The following NEBL variants were observed in gnomAD, a reference collection of about 807,000 sequenced individuals.
NEBL encodes the protein LIM and SH3 protein 2.
Under a neutral mutation model 140.2 loss-of-function variants are expected in NEBL, and 122 were observed. The ratio of observed to expected loss-of-function variants is 0.87; its 90% CI spans 0.75 to 1.01. The LOEUF is 1.01. Among genes scored for constraint, NEBL ranks in the 50% least tolerant of loss-of-function variants. The pLI, the probability that NEBL is intolerant of heterozygous loss-of-function variation, is 0.00. For synonymous variants in NEBL, 436 were observed against 398.9 expected (o/e 1.09, Z -1.11); for missense variants, 1,365 against 1,231.3 (o/e 1.11, Z -1.62).
At chr10:20,837,704 T>A (rs1427306765) in intron 13 of NEBL, among the ~76,000 whole-genome samples, 1 of 152,190 alleles carries the variant, frequency 6.6e-6, no homozygotes, top group Non-Finnish European at 1.5e-5. Context: ...GAAGTCAATG[T>A]CTGCTTCAAT....
intron 2 of NEBL, chr10:21,029,368 G>A (rs1833683281): frequency 2.5e-6 from 4 of 1,611,628 alleles, no homozygotes; most frequent in Non-Finnish European, 2.5e-6. Flanking sequence ...TATCAGTGCA[G>A]TGCGTTTACC....
chr10:20,900,852 A>AG (rs1361796379), upstream of NEBL, among the ~76,000 whole-genome samples: 1 of 143,270 alleles, frequency 7.0e-6, no homozygotes, highest in Non-Finnish European at 1.5e-5. Flanking sequence ...CCCGAAAAAA[A>AG]AAGAAAAAAG....
chr10:21,180,440 GT>G (rs1841369230), intron 3 of NEBL, among the ~76,000 whole-genome samples: 1 of 152,150 alleles, frequency 6.6e-6, no homozygotes, highest in African/African-American at 2.4e-5. Context: ...ATTTCAACAA[GT>G]GTCATTCTCT....
At chr10:20,816,463 T>C (rs1037362018) in intron 21 of NEBL, among the ~76,000 whole-genome samples, 1 of 152,198 alleles carries the variant, frequency 6.6e-6, no homozygotes, top group Non-Finnish European at 1.5e-5. Flanking sequence ...ACTCCTTGTC[T>C]AAATAACCAT....
intron 18 of NEBL, among the ~76,000 whole-genome samples, chr10:20,824,779 T>G (rs2130862841): frequency 6.6e-6 from 1 of 152,348 alleles, no homozygotes; most frequent in African/African-American, 2.4e-5. Context: ...AGATGAACAC[T>G]TTTGTTTTTC....
In NEBL at chr10:21,274,384, A is replaced by G. The variant is rs150735161; in HGVS notation, n.182+18446T>C. ...CATAGTCGATTAACACATATTTCCT[A>G]TGTTCTATGCATTATACACTGCGTT... On this transcript the variant is annotated intron_variant and non_coding_transcript_variant, in intron 1 of 8. Coordinates refer to the NEBL transcript ENST00000675702. Among the ~76,000 whole-genome samples, 865 of 152,258 alleles carry G rather than the reference A, an allele frequency of 5.7e-3. 23 individuals are homozygous for G. The highest frequency in any genetic ancestry group is 0.051 in the Admixed American group (778 of 15,282).
At chr10:21,233,758 A>T (rs529307432) in intron 3 of NEBL, among the ~76,000 whole-genome samples, 2 of 143,898 alleles carry the variant, frequency 1.4e-5, no homozygotes, top group Non-Finnish European at 3.0e-5. Context: ...TTACATATAG[A>T]TATATATTAC....
Position 20,823,249 on chromosome 10 carries a change from C to T in NEBL, c.1921G>A (p.Glu641Lys). 1 of 1,609,808 alleles carries T rather than the reference C, an allele frequency of 6.2e-7. No individual in the cohort carries two copies. Among genetic ancestry groups the T allele is most frequent in the Non-Finnish European group, 8.5e-7 (1 of 1,178,350 alleles). ...TGGTTTTCTTTAACTCTCTTTAGTT[C>T]TGGAGGATCAGAAATGGCTGTTGCA... is the stretch of plus-strand genomic sequence containing the variant. ...KHATAISDPPELKRVKENQKN... is the reference protein window; with the variant it reads ...KHATAISDPPKLKRVKENQKN... Residue 641 changes from glutamate (E) to lysine (K), a missense_variant, in exon 19 of 28, where the codon GAA (glutamate) becomes AAA (lysine). Physicochemically the swap from Glu to Lys is moderately conservative, Grantham distance 56. Coordinates refer to ENST00000377122, the MANE Select transcript of NEBL (RefSeq NM_006393.3).
intron 25 of NEBL, 113 bp from the exon 26 acceptor site, chr10:20,808,772 T>A: frequency 8.4e-7 from 1 of 1,191,490 alleles, no homozygotes; most frequent in Non-Finnish European, 1.2e-6. Context: ...TAGTAAAGAA[T>A]AACTCAAAAT....
chr10:21,278,605 C>T (rs1842952924), intron 1 of NEBL, among the ~76,000 whole-genome samples: 1 of 152,196 alleles, frequency 6.6e-6, no homozygotes, highest in African/African-American at 2.4e-5. Flanking sequence ...AGACTCTCCA[C>T]CTTCAGCTGT....
At chr10:21,185,925 G>A (rs1841462219) in intron 3 of NEBL, among the ~76,000 whole-genome samples, 1 of 152,116 alleles carries the variant, frequency 6.6e-6, no homozygotes, top group Admixed American at 6.6e-5. Context: ...TATTTTGACT[G>A]AGAACAGGGA....
intron 5 of NEBL, among the ~76,000 whole-genome samples, chr10:20,875,883 G>A (rs1388420866): frequency 6.6e-6 from 1 of 152,164 alleles, no homozygotes. Flanking sequence ...TAAGTTTGTG[G>A]AACAGAGGCA....
intron 1 of NEBL, among the ~76,000 whole-genome samples, chr10:21,252,626 G>A (rs374760668): frequency 9.9e-5 from 15 of 152,092 alleles, no homozygotes; most frequent in African/African-American, 3.1e-4. Context: ...GGGCCACATC[G>A]AAGCATATAC....
chr10:21,005,460 C>T (rs1361895711), intron 3 of NEBL, among the ~76,000 whole-genome samples: 1 of 152,146 alleles, frequency 6.6e-6, no homozygotes, highest in Non-Finnish European at 1.5e-5. Context: ...TCTGGCCAGG[C>T]ACAGTGGCTT....
Position 20,785,668 on chromosome 10 carries a change from C to A in NEBL, c.*79G>T. Reference sequence around the variant, plus strand: ...CATTGTAAAATAATGGCCAAGTTGTCTTAAAAGTATCTTCTATCTTTTAAA... The same window carrying A: ...CATTGTAAAATAATGGCCAAGTTGTATTAAAAGTATCTTCTATCTTTTAAA... On this transcript the variant is annotated 3_prime_UTR_variant, in exon 28 of 28. Coordinates refer to ENST00000377122, the MANE Select transcript of NEBL (RefSeq NM_006393.3). The A allele has an allele frequency of 2.0e-6, 3 of 1,484,738 alleles. No homozygotes were observed. Among genetic ancestry groups the A allele is most frequent in the Non-Finnish European group, 2.8e-6 (3 of 1,085,360 alleles). The allele number at this position is 1,484,738 out of a possible 1,614,324, so 92.0% of individuals were successfully genotyped here.
At chr10:20,801,977 G>A (rs1837167715) in intron 26 of NEBL, among the ~76,000 whole-genome samples, 1 of 152,152 alleles carries the variant, frequency 6.6e-6, no homozygotes, top group South Asian at 2.1e-4. Flanking sequence ...AGGTTGGAAA[G>A]CTGAAAATAT....
intron 2 of NEBL, among the ~76,000 whole-genome samples, chr10:21,068,124 T>C (rs931162971): frequency 6.6e-6 from 1 of 152,214 alleles, no homozygotes; most frequent in Non-Finnish European, 1.5e-5. Flanking sequence ...GGAGGTCAGC[T>C]CCATGATTCT....
At chr10:21,082,433 ACAT>A (rs1438660118) in intron 2 of NEBL, among the ~76,000 whole-genome samples, 4 of 151,786 alleles carry the variant, frequency 2.6e-5, no homozygotes, top group Non-Finnish European at 5.9e-5. Flanking sequence ...CAATGAGGAA[ACAT>A]CATTCTGGCA....
intron 3 of NEBL, among the ~76,000 whole-genome samples, chr10:20,889,024 A>G (rs559963843): frequency 1.3e-5 from 2 of 152,360 alleles, no homozygotes; most frequent in South Asian, 4.1e-4. Context: ...GTACTTAATG[A>G]AAGAAAACGT....
Sources: allele counts gnomAD v4.1 joint callset (sites outside exome capture counted in the v4.1 genomes callset), GRCh38; gene constraint gnomAD v4.1.1; transcripts MANE v1.5; gene names NCBI Gene and HGNC (gene_info 2026-07-23, HGNC 2026-07-21).